ZNF775: variants seen among roughly 807,000 people sequenced by gnomAD.
The protein encoded by ZNF775 is zinc finger protein 775.
A neutral mutation model predicts 2.4 loss-of-function variants in ZNF775; 1 was observed. The observed-to-expected ratio is 0.41, with a 90% CI of 0.15 to 1.94. The LOEUF is 1.94. ZNF775 is among the 30% of genes most tolerant of loss of function. The pLI is 0.30. For missense variants in ZNF775, 823 were observed against 826.6 expected (o/e 1.00, Z 0.05); for synonymous variants, 381 against 373.3 (o/e 1.02, Z -0.24).
At chr7:150,390,832 C>T (rs528175600) in intron 2 of ZNF775, among the ~76,000 whole-genome samples, 18 of 152,276 alleles carry the variant, frequency 1.2e-4, no homozygotes, top group African/African-American at 4.3e-4. Context: ...TGGAAAGGGC[C>T]AGAAGGCTCT....
chr7:150,394,283 C>T (rs1800610375), intron 2 of ZNF775, among the ~76,000 whole-genome samples: 2 of 151,812 alleles, frequency 1.3e-5, no homozygotes, highest in Admixed American at 1.3e-4. Context: ...ACTTGTATTG[C>T]CATTTTTTAA....
intron 2 of ZNF775, 26 bp downstream of exon 2, chr7:150,388,527 G>C (rs1177629256): frequency 1.1e-4 from 165 of 1,551,506 alleles, no homozygotes; most frequent in Non-Finnish European, 1.4e-4. Flanking sequence ...GAGGAGGCAG[G>C]GGAGCGGGGT....
At position 150,396,934 on chromosome 7, in the gene ZNF775, G is replaced by A. The variant is rs1178895043; in HGVS notation, c.453G>A (p.Ala151=). Residue 151 remains alanine (A), a synonymous_variant, in exon 3 of 3, where the codon GCG becomes GCA. Transcript: ENST00000329630. ...GKSFSQKPNL[A]RHQRHHTGER... The stretch of plus-strand genomic sequence containing the variant: ...GCTTCAGCCAGAAGCCGAACCTGGC[G>A]CGCCACCAGCGGCACCACACGGGCG... The A allele has an allele frequency of 6.2e-7, 1 of 1,601,334 alleles. No homozygotes were observed.
At chr7:150,394,605 C>T (rs1800615991) in intron 2 of ZNF775, among the ~76,000 whole-genome samples, 1 of 151,918 alleles carries the variant, frequency 6.6e-6, no homozygotes. Context: ...ACTTAGTTTC[C>T]TCTATTCTTA....
At chr7:150,389,956 C>T (rs1158671029) in intron 2 of ZNF775, among the ~76,000 whole-genome samples, 1 of 144,568 alleles carries the variant, frequency 6.9e-6, no homozygotes, top group Non-Finnish European at 1.5e-5. Context: ...CCATTGTAAC[C>T]ATTTTTAAGT....
At chr7:150,396,040 G>T (rs1483892817) in intron 2 of ZNF775, among the ~76,000 whole-genome samples, 3 of 152,216 alleles carry the variant, frequency 2.0e-5, no homozygotes, top group Non-Finnish European at 2.9e-5. Flanking sequence ...TGCTTAGAAA[G>T]CTTCCAGCAC....
At chr7:150,391,810 C>A (rs532215985) in intron 2 of ZNF775, among the ~76,000 whole-genome samples, 3 of 147,106 alleles carry the variant, frequency 2.0e-5, no homozygotes, top group African/African-American at 7.6e-5. Context: ...CTCCCTGGTT[C>A]GGGTGATTTT....
chr7:150,398,159 G>A lies in ZNF775; in HGVS notation c.*64G>A, dbSNP rs968481839. ...TGTTTGCGGGGTGTGTGTGGGGAGTGGGGGTGGCCAGGATTGCTGGCTCTT... is the reference window on the plus strand; with the variant it reads ...TGTTTGCGGGGTGTGTGTGGGGAGTAGGGGTGGCCAGGATTGCTGGCTCTT... On this transcript the variant is annotated 3_prime_UTR_variant, in exon 3 of 3. Transcript: ENST00000329630. 95 of 1,521,202 alleles carry A rather than the reference G, an allele frequency of 6.2e-5. No individual in the cohort carries two copies. The highest frequency in any genetic ancestry group is 8.0e-5 in the Non-Finnish European group (91 of 1,140,550). 94.2% of individuals were successfully genotyped at this position (1,521,202 alleles called of 1,614,324 possible). A position where few individuals can be genotyped will look rare whatever the true frequency, so the allele number is the denominator to read the frequency against.
chr7:150,391,217 C>A (rs1205295820), intron 2 of ZNF775, among the ~76,000 whole-genome samples: 1 of 152,198 alleles, frequency 6.6e-6, no homozygotes, highest in African/African-American at 2.4e-5. Context: ...TTTAAATTAA[C>A]TTAAGTACGG....
At chr7:150,385,346 G>A (rs1800430835) in intron 1 of ZNF775, among the ~76,000 whole-genome samples, 3 of 152,230 alleles carry the variant, frequency 2.0e-5, no homozygotes, top group Admixed American at 6.5e-5. Context: ...GCTTTTAAAA[G>A]ATTGAATGTG....
intron 1 of ZNF775, chr7:150,383,735 C>T (rs1800402831): frequency 6.6e-6 from 1 of 152,392 alleles, no homozygotes; most frequent in Non-Finnish European, 1.5e-5. Flanking sequence ...GGAGCTGCCC[C>T]CACCCCCAAA....
At chr7:150,396,330 T>C (rs1041380123) in intron 2 of ZNF775, among the ~76,000 whole-genome samples, 183 bp from the exon 3 acceptor site, 6 of 152,154 alleles carry the variant, frequency 3.9e-5, no homozygotes, top group African/African-American at 7.2e-5. Flanking sequence ...TCTTTTTTCT[T>C]CTTTTGCCCC....
At position 150,397,726 on chromosome 7, in the gene ZNF775, G is replaced by A. The variant is rs1585090028; in HGVS notation, c.1245G>A (p.Arg415=). The A allele has an allele frequency of 7.0e-7, 1 of 1,426,332 alleles. No homozygotes were observed. 88.4% of individuals were successfully genotyped at this position (1,426,332 alleles called of 1,614,324 possible). A position where few individuals can be genotyped will look rare whatever the true frequency, so the allele number is the denominator to read the frequency against. The change falls in exon 3 of 3, where the codon AGG becomes AGA. Residue 415 remains arginine (R), a synonymous_variant. Transcript: ENST00000329630. ...QAEAIPGLAA[R]PRSSQRSPGA... ...AGGCCATCCCGGGCTTGGCCGCGAG[G>A]CCGCGGAGCTCCCAACGGTCCCCGG...
In ZNF775 at chr7:150,396,712, C is replaced by A. The variant is rs1375488411; in HGVS notation, c.231C>A (p.Pro77=). The A allele has an allele frequency of 1.2e-6, 2 of 1,600,952 alleles. No homozygotes were observed. Among genetic ancestry groups the A allele is most frequent in the South Asian group, 2.2e-5 (2 of 89,106 alleles). ...EESGSPRWAP[P]TEQDAGLAGR... ...CTGGGAGTCCAAGGTGGGCCCCTCC[C>A]ACTGAGCAGGATGCGGGGCTGGCAG... The change falls in exon 3 of 3, where the codon CCC becomes CCA. Residue 77 remains proline (P), a synonymous_variant. Coordinates refer to ENST00000329630, the MANE Select transcript of ZNF775 (RefSeq NM_173680.4).
Position 150,398,200 on chromosome 7 carries a change from G to A in ZNF775, c.*105G>A. 6.8e-7 allele frequency: 1 copy of A among 1,461,152 alleles called. No individual in the cohort carries two copies. 90.5% of individuals were successfully genotyped at this position (1,461,152 alleles called of 1,614,324 possible). The stretch of plus-strand genomic sequence containing the variant: ...GCTGGCTCTTAGAACCCCTTAGAGC[G>A]GGACCGGTGGATTCCTTAAGGCTCT... On this transcript the variant is annotated 3_prime_UTR_variant, in exon 3 of 3. Coordinates refer to ENST00000329630, the MANE Select transcript of ZNF775 (RefSeq NM_173680.4).
At position 150,397,305 on chromosome 7, in the gene ZNF775, C is replaced by G. The variant is rs1400667660; in HGVS notation, c.824C>G (p.Pro275Arg). ...GCCGCGGTCTCCGGCCCCGAGGGGC[C>G]GGGCGAGCCGCGCCAGTTCATCTGC... is the stretch of plus-strand genomic sequence containing the variant. ...ARAAVSGPEGPGEPRQFICNE... is the reference protein window; with the variant it reads ...ARAAVSGPEGRGEPRQFICNE... The change falls in exon 3 of 3, where the codon CCG becomes CGG. Residue 275 changes from proline to arginine, a missense_variant. Pro to Arg is a moderately radical substitution (Grantham distance 103, BLOSUM62 -2). Transcript: ENST00000329630. 6.4e-7 allele frequency: 1 copy of G among 1,570,162 alleles called. No individual in the cohort carries two copies. Among genetic ancestry groups the G allele is most frequent in the Non-Finnish European group, 8.6e-7 (1 of 1,163,598 alleles).
chr7:150,391,234 G>A (rs1375432823), intron 2 of ZNF775, among the ~76,000 whole-genome samples: 2 of 152,196 alleles, frequency 1.3e-5, no homozygotes, highest in Admixed American at 6.5e-5. Context: ...ACGGCCAGGC[G>A]CGGTGGCTCA....
intron 2 of ZNF775, among the ~76,000 whole-genome samples, chr7:150,394,648 TCTCCCTCC>T (rs367790337): frequency 8.8e-5 from 13 of 147,384 alleles, no homozygotes; most frequent in Non-Finnish European, 1.6e-4. Context: ...TCTCTCTCTC[TCTCCCTCC>T]CTCCCTCCCT....
chr7:150,397,874 C>A lies in ZNF775; in HGVS notation c.1393C>A (p.Gln465Lys). 6.2e-7 allele frequency: 1 copy of A among 1,603,690 alleles called. No homozygotes were observed. Residue 465 changes from glutamine to lysine, a missense_variant, in exon 3 of 3, where the codon CAG (glutamine) becomes AAG (lysine). Coordinates refer to ENST00000329630, the MANE Select transcript of ZNF775 (RefSeq NM_173680.4). ...FSWWSALTIH[Q>K]RIHTGERPYP... ...GTGGTGGTCGGCGCTCACCATCCACCAGCGCATCCACACGGGTGAGCGGCC... is the reference window on the plus strand; with the variant it reads ...GTGGTGGTCGGCGCTCACCATCCACAAGCGCATCCACACGGGTGAGCGGCC...
Sources: allele counts gnomAD v4.1 joint callset (sites outside exome capture counted in the v4.1 genomes callset), GRCh38; gene constraint gnomAD v4.1.1; transcripts MANE v1.5; gene names NCBI Gene and HGNC (gene_info 2026-07-23, HGNC 2026-07-21).